CLCN3: variants seen among roughly 807,000 people sequenced by gnomAD.
The protein encoded by CLCN3 is Cl-/H+ antiporter 3.
A neutral mutation model predicts 83.4 loss-of-function variants in CLCN3; 16 were observed. That is an observed-to-expected ratio of 0.19 (90% CI 0.13 to 0.29). The LOEUF (loss-of-function observed/expected upper bound fraction) is 0.29, where lower values mean the gene tolerates loss of function less well. Among genes scored for constraint, CLCN3 ranks in the 10% least tolerant of loss-of-function variants. CLCN3 has a pLI of 1.00. For synonymous variants in CLCN3, 322 were observed against 346.2 expected (o/e 0.93, Z 0.78); for missense variants, 544 against 1,006.0 (o/e 0.54, Z 6.21).
intron 11 of CLCN3, among the ~76,000 whole-genome samples, chr4:169,712,732 C>G (rs1006014556): frequency 6.6e-6 from 1 of 152,184 alleles, no homozygotes; most frequent in African/African-American, 2.4e-5. Flanking sequence ...ATAAACTGCG[C>G]TCAGAATTTG....
rs540038167 is a variant in CLCN3, at chr4:169,690,917, T to C, written c.729+265T>C. Among the ~76,000 whole-genome samples the C allele has an allele frequency of 3.9e-5, 6 of 152,280 alleles. No homozygotes were observed. The South Asian group carries it at 6.2e-4, about 16-fold the overall frequency. ...TGACTAGGCAAATTTTCAGACTATT[T>C]AGTTAAACATCAAGAGCCTGGAAGA... On this transcript the variant is annotated intron_variant, in intron 6 of 12. Transcript: ENST00000513761.
At chr4:169,693,287 T>A (rs1014411193) in intron 7 of CLCN3, among the ~76,000 whole-genome samples, 1 of 152,222 alleles carries the variant, frequency 6.6e-6, no homozygotes, top group Non-Finnish European at 1.5e-5. Flanking sequence ...TACTTCAGAT[T>A]GTCGTAGTTT....
At chr4:169,706,098 G>A (rs1207587611) in intron 10 of CLCN3, among the ~76,000 whole-genome samples, 2 of 151,990 alleles carry the variant, frequency 1.3e-5, no homozygotes, top group African/African-American at 2.4e-5. Flanking sequence ...CAGTGTGAAC[G>A]CAGCTCACTG....
At chr4:169,625,553 A>T (rs925754062) in intron 1 of CLCN3, among the ~76,000 whole-genome samples, 1 of 152,138 alleles carries the variant, frequency 6.6e-6, no homozygotes, top group Non-Finnish European at 1.5e-5. Context: ...AACCTTCTTT[A>T]TAGTCTGACC....
At chr4:169,690,424 C>A in intron 5 of CLCN3, 106 bp from the exon 6 acceptor site, 1 of 1,165,738 alleles carries the variant, frequency 8.6e-7, no homozygotes, top group Non-Finnish European at 1.2e-6. Flanking sequence ...GGATTACAGG[C>A]GTGAGCCACC....
chr4:169,653,452 C>T (rs1403064858), intron 2 of CLCN3, among the ~76,000 whole-genome samples: 1 of 151,738 alleles, frequency 6.6e-6, no homozygotes, highest in African/African-American at 2.4e-5. Context: ...CCAGCCTGGC[C>T]AATATGATAA....
At chr4:169,668,619 A>G (rs1056651610) in intron 2 of CLCN3, among the ~76,000 whole-genome samples, 1 of 152,112 alleles carries the variant, frequency 6.6e-6, no homozygotes, top group African/African-American at 2.4e-5. Flanking sequence ...AAGAAAAGTG[A>G]TCTTTTTTCC....
At chr4:169,683,757 T>C (rs1226422179) in intron 3 of CLCN3, among the ~76,000 whole-genome samples, 2 of 152,028 alleles carry the variant, frequency 1.3e-5, no homozygotes, top group Admixed American at 6.6e-5. Context: ...TTTTTTTTTT[T>C]TTTTTAAGCA....
At chr4:169,622,901 G>A (rs1034840459) in intron 1 of CLCN3, among the ~76,000 whole-genome samples, 9 of 152,168 alleles carry the variant, frequency 5.9e-5, no homozygotes, top group Non-Finnish European at 1.0e-4. Flanking sequence ...GGGAAACAGT[G>A]TTTTTAAAAG....
At chr4:169,685,949 G>A (rs1345821277) in intron 3 of CLCN3, among the ~76,000 whole-genome samples, 5 of 152,106 alleles carry the variant, frequency 3.3e-5, no homozygotes, top group Admixed American at 6.6e-5. Context: ...AGAACTTACC[G>A]TGTCATTTTA....
At chr4:169,661,073 A>G (rs1731040734) in intron 2 of CLCN3, among the ~76,000 whole-genome samples, 1 of 150,408 alleles carries the variant, frequency 6.6e-6, no homozygotes, top group Admixed American at 6.6e-5. Context: ...ACTAAATGTC[A>G]GAAAAAATAA....
At chr4:169,625,358 A>G (rs7681537) in intron 1 of CLCN3, among the ~76,000 whole-genome samples, 73,789 of 151,976 alleles carry the variant, frequency 0.49, 18,610 homozygotes, top group African/African-American at 0.6. Flanking sequence ...GTACCCAGTC[A>G]GTCTCCTTTA....
rs778013668 is a variant in CLCN3, at chr4:169,710,365, C to T, written c.2150-2714C>T. Among the ~76,000 whole-genome samples the T allele has an allele frequency of 1.1e-3, 170 of 152,240 alleles. 1 individual carries two copies. Among genetic ancestry groups the T allele is most frequent in the Middle Eastern group, 3.4e-3 (1 of 294 alleles). On this transcript the variant is annotated intron_variant, in intron 11 of 12. Coordinates refer to ENST00000513761, the MANE Select transcript of CLCN3 (RefSeq NM_001829.4). The stretch of plus-strand genomic sequence containing the variant: ...CTTGATCCTCGACTTCCCTGGCATC[C>T]GGTGATCCTCCCACTTCACTCTCCT...
intron 2 of CLCN3, 100 bp from the exon 3 acceptor site, chr4:169,679,950 G>T (rs1731869832): frequency 3.2e-6 from 3 of 931,336 alleles, no homozygotes; most frequent in Non-Finnish European, 5.2e-6. Flanking sequence ...GAGGGAGAGG[G>T]ATTATTTCTG....
chr4:169,643,733 A>G (rs1432230872), intron 2 of CLCN3, among the ~76,000 whole-genome samples: 1 of 152,058 alleles, frequency 6.6e-6, no homozygotes, highest in Non-Finnish European at 1.5e-5. Context: ...GGGGTATCTC[A>G]CTATGTTGCT....
At chr4:169,663,192 T>TATAC (rs1560842489) in intron 2 of CLCN3, 1 of 148,590 alleles carries the variant, frequency 6.7e-6, no homozygotes, top group Non-Finnish European at 1.5e-5. Flanking sequence ...TATATATATA[T>TATAC]ACATATACAC....
At position 169,699,605 on chromosome 4, in the gene CLCN3, C is replaced by A. The variant is rs149318874; in HGVS notation, c.1563+1871C>A. Among the ~76,000 whole-genome samples, 290 of 152,234 alleles carry A rather than the reference C, an allele frequency of 1.9e-3. 1 individual carries two copies. The highest frequency in any genetic ancestry group is 6.4e-3 in the African/African-American group (267 of 41,544). On this transcript the variant is annotated intron_variant, in intron 9 of 12. Coordinates refer to ENST00000513761, the MANE Select transcript of CLCN3 (RefSeq NM_001829.4). The stretch of plus-strand genomic sequence containing the variant: ...GAGTTAAATAATAGAAAAGCCTGGC[C>A]AGGCGCAGTGGCTCACACCTGTAAT...
chr4:169,704,228 G>A (rs1240867882), intron 10 of CLCN3, 44 bp downstream of exon 10: 1 of 1,564,026 alleles, frequency 6.4e-7, no homozygotes, highest in African/African-American at 1.4e-5. Flanking sequence ...TTGCAAGTCT[G>A]AGAGAGCCAA....
intron 2 of CLCN3, among the ~76,000 whole-genome samples, chr4:169,647,210 C>T (rs1455343771): frequency 5.9e-5 from 9 of 151,926 alleles, no homozygotes; most frequent in African/African-American, 1.7e-4. Context: ...GGCAATATGG[C>T]GAAACCCTGT....
Sources: gnomAD v4.1 joint callset for allele counts (sites outside exome capture counted in the v4.1 genomes callset) on GRCh38, gnomAD v4.1.1 for gene constraint, MANE v1.5 for transcripts, NCBI Gene and HGNC (gene_info 2026-07-23, HGNC 2026-07-21) for gene names.